NKAIN2: variants seen among roughly 807,000 people sequenced by gnomAD.
NKAIN2 encodes the protein sodium/potassium transporting ATPase interacting 2.
In NKAIN2, 14 loss-of-function variants were observed where a neutral mutation model predicts 32.6. The observed-to-expected ratio is 0.43, with a 90% CI of 0.28 to 0.67. The LOEUF (loss-of-function observed/expected upper bound fraction) is 0.67, where lower values mean the gene tolerates loss of function less well. Among genes scored for constraint, NKAIN2 ranks in the 30% least tolerant of loss-of-function variants. NKAIN2 has a pLI of 0.17. For synonymous variants in NKAIN2, 80 were observed against 87.2 expected (o/e 0.92, Z 0.46); for missense variants, 198 against 258.3 (o/e 0.77, Z 1.60).
chr6:124,342,409 A>C (rs1798165286), intron 2 of NKAIN2, among the ~76,000 whole-genome samples: 1 of 115,902 alleles, frequency 8.6e-6, no homozygotes, highest in Non-Finnish European at 1.7e-5. Flanking sequence ...ACTCCATCTC[A>C]AAAAAAAAAA....
chr6:124,016,488 T>C (rs1780579932), intron 1 of NKAIN2, among the ~76,000 whole-genome samples: 1 of 152,204 alleles, frequency 6.6e-6, no homozygotes, highest in African/African-American at 2.4e-5. Context: ...AAGTCCACAA[T>C]GTTAGTTTGA....
chr6:124,613,816 T>G (rs1306616421), intron 3 of NKAIN2, among the ~76,000 whole-genome samples: 2 of 152,310 alleles, frequency 1.3e-5, no homozygotes, highest in African/African-American at 4.8e-5. Flanking sequence ...AGGCAAAGGC[T>G]TGGTTGCCTT....
At chr6:124,766,787 AAG>A (rs1434137327) in intron 4 of NKAIN2, among the ~76,000 whole-genome samples, 3 of 152,212 alleles carry the variant, frequency 2.0e-5, no homozygotes, top group Non-Finnish European at 4.4e-5. Flanking sequence ...TAACAGAATG[AAG>A]AGTTTAAAAA....
At chr6:124,532,102 A>G (rs1401359501) in intron 3 of NKAIN2, among the ~76,000 whole-genome samples, 1 of 152,234 alleles carries the variant, frequency 6.6e-6, no homozygotes. Flanking sequence ...TGATGTGTGC[A>G]GAAACTGCTT....
At chr6:124,627,446 A>ATAAT (rs1283517599) in intron 3 of NKAIN2, among the ~76,000 whole-genome samples, 17 of 152,138 alleles carry the variant, frequency 1.1e-4, no homozygotes, top group African/African-American at 3.9e-4. Flanking sequence ...AGTAAGACAA[A>ATAAT]TAATAGGATG....
chr6:124,447,893 C>T (rs1775959848), intron 3 of NKAIN2, among the ~76,000 whole-genome samples: 1 of 152,094 alleles, frequency 6.6e-6, no homozygotes, highest in African/African-American at 2.4e-5. Flanking sequence ...CTGTGAAGTG[C>T]TGTCACTCCT....
At position 124,805,192 on chromosome 6, in the gene NKAIN2, G is replaced by T. The variant is rs930905438; in HGVS notation, c.536-13195G>T. ...GAGAATGGGCAGAATGCCTCCTCAA[G>T]TGGGTCCCTGACCCCTGACCCCTGA... On this transcript the variant is annotated intron_variant, in intron 5 of 6. Transcript: ENST00000368417. Among the ~76,000 whole-genome samples the T allele has an allele frequency of 3.3e-5, 5 of 152,194 alleles. No homozygotes were observed. In the East Asian group the frequency reaches 9.6e-4, roughly 29 times the overall value.
Position 124,328,274 on chromosome 6 carries a change from A to G in NKAIN2, c.193-26993A>G, listed in dbSNP as rs116600857. The stretch of plus-strand genomic sequence containing the variant: ...TTTAAAACCTGTGTGATGTTTAAAT[A>G]TCTGTGATGTATTTGTTTATTTTAC... On this transcript the variant is annotated intron_variant, in intron 2 of 6. Transcript: ENST00000368417. Among the ~76,000 whole-genome samples, 276 of 152,338 alleles carry G rather than the reference A, an allele frequency of 1.8e-3. 2 individuals are homozygous for G. Among genetic ancestry groups the G allele is most frequent in the African/African-American group, 6.6e-3 (273 of 41,580 alleles).
intron 1 of NKAIN2, among the ~76,000 whole-genome samples, chr6:123,961,005 C>T (rs557720220): frequency 1.1e-4 from 17 of 151,868 alleles, no homozygotes; most frequent in Non-Finnish European, 2.1e-4. Flanking sequence ...CCTTCTTTTC[C>T]AAAAGAATAC....
At chr6:124,077,039 A>G (rs1313071594) in intron 1 of NKAIN2, among the ~76,000 whole-genome samples, 1 of 152,194 alleles carries the variant, frequency 6.6e-6, no homozygotes, top group Non-Finnish European at 1.5e-5. Flanking sequence ...TGCATAATGC[A>G]CTTTGTAAAT....
intron 3 of NKAIN2, among the ~76,000 whole-genome samples, chr6:124,466,640 T>C (rs1271574080): frequency 6.6e-6 from 1 of 151,450 alleles, no homozygotes; most frequent in Non-Finnish European, 1.5e-5. Context: ...CACGGCAACA[T>C]GTAATAAGAC....
chr6:124,731,735 T>C (rs924238082), intron 4 of NKAIN2, among the ~76,000 whole-genome samples: 1 of 151,936 alleles, frequency 6.6e-6, no homozygotes, highest in Non-Finnish European at 1.5e-5. Flanking sequence ...ATGTGGAAGT[T>C]TCATGAAAAT....
In NKAIN2 at chr6:124,128,875, G is replaced by A. The variant is rs554935718; in HGVS notation, c.55-154130G>A. Reference sequence around the variant, plus strand: ...ACTTAACGTGTGAATGTCTGAATACGTTTCTGATCATCATCCTACCACCCC... The same window carrying A: ...ACTTAACGTGTGAATGTCTGAATACATTTCTGATCATCATCCTACCACCCC... On this transcript the variant is annotated intron_variant, in intron 1 of 6. Coordinates refer to ENST00000368417, the MANE Select transcript of NKAIN2 (RefSeq NM_001040214.3). Among the ~76,000 whole-genome samples the A allele has an allele frequency of 3.2e-4, 48 of 152,242 alleles. 1 individual carries two copies. The South Asian group carries it at 6.8e-3, about 22-fold the overall frequency.
chr6:124,721,270 G>A (rs922396065), intron 4 of NKAIN2, among the ~76,000 whole-genome samples: 4 of 151,840 alleles, frequency 2.6e-5, no homozygotes, highest in Non-Finnish European at 5.9e-5. Flanking sequence ...CGGGCGCAGT[G>A]GCGGGCGCCT....
At chr6:123,993,969 T>C (rs1171937673) in intron 1 of NKAIN2, among the ~76,000 whole-genome samples, 1 of 152,172 alleles carries the variant, frequency 6.6e-6, no homozygotes, top group Admixed American at 6.5e-5. Context: ...TGTAATGGCT[T>C]CTGAAACTCA....
intron 4 of NKAIN2, among the ~76,000 whole-genome samples, chr6:124,774,860 A>G (rs1778919795): frequency 6.6e-6 from 1 of 151,000 alleles, no homozygotes; most frequent in Non-Finnish European, 1.5e-5. Context: ...TCATCTCAAA[A>G]AAAAAAAAAA....
chr6:124,535,527 A>ACGACTTC (rs1328626480), intron 3 of NKAIN2, among the ~76,000 whole-genome samples: 1 of 152,254 alleles, frequency 6.6e-6, no homozygotes, highest in African/African-American at 2.4e-5. Flanking sequence ...AACAAAGCCA[A>ACGACTTC]CGACTTCCTT....
At chr6:124,279,210 G>A (rs7747833) in intron 1 of NKAIN2, among the ~76,000 whole-genome samples, 24,225 of 151,896 alleles carry the variant, frequency 0.16, 2,055 homozygotes, top group African/African-American at 0.2. Flanking sequence ...TTTTCTCTAC[G>A]TTTATTAAGA....
intron 1 of NKAIN2, among the ~76,000 whole-genome samples, chr6:124,254,764 T>C (rs1793845940): frequency 6.6e-6 from 1 of 152,118 alleles, no homozygotes; most frequent in South Asian, 2.1e-4. Flanking sequence ...ATAGAAATAT[T>C]AGAAACATTA....
Sources: allele counts gnomAD v4.1 joint callset (sites outside exome capture counted in the v4.1 genomes callset), GRCh38; gene constraint gnomAD v4.1.1; transcripts MANE v1.5; gene names NCBI Gene and HGNC (gene_info 2026-07-23, HGNC 2026-07-21).